ZNF462: variants seen among roughly 807,000 people sequenced by gnomAD.
The protein encoded by ZNF462 is zinc finger PBX1-interacting protein.
Under a neutral mutation model 201.9 loss-of-function variants are expected in ZNF462, and 10 were observed. The observed-to-expected ratio is 0.05, with a 90% confidence interval of 0.03 to 0.08. The LOEUF (loss-of-function observed/expected upper bound fraction) is 0.08. ZNF462 is among the 10% of genes least tolerant of loss of function. The probability of loss-of-function intolerance (pLI) is 1.00; values close to 1 mark genes in which losing one functional copy is unlikely to be tolerated. For missense variants in ZNF462, 2,523 were observed against 3,168.3 expected, an observed-to-expected ratio of 0.80 and a Z score of 4.89; for synonymous variants, 1,227 against 1,193.3, an observed-to-expected ratio of 1.03 and a Z score of -0.58.
intron 1 of ZNF462, among the ~76,000 whole-genome samples, chr9:106,901,136 A>G (rs1325979318): frequency 6.6e-6 from 1 of 152,176 alleles, no homozygotes; most frequent in Non-Finnish European, 1.5e-5. Flanking sequence ...GGCTAATTGG[A>G]TAATTTCAAC....
rs1827419352 is a variant in ZNF462 at position 106,981,376 on chromosome 9, G to A, written c.6833-2810G>A. Among the ~76,000 whole-genome samples, 1 of 152,172 alleles carries A rather than the reference G, an allele frequency of 6.6e-6. No individual in the cohort carries two copies. Among genetic ancestry groups the A allele is most frequent in the African/African-American group, 2.4e-5 (1 of 41,440 alleles). On this transcript the variant is annotated intron_variant, in intron 9 of 12. Coordinates refer to ENST00000277225, the MANE Select transcript of ZNF462 (RefSeq NM_021224.6). This position sits in a 1 kb window ranked among gnomAD's most constrained non-coding sequence, Gnocchi z 4.0. ...AGAGTTCTTATCAGGGGTCCAAGAGGAGGGCCCTGGCAGAGATCAGAAGAC... is the reference window on the plus strand; with the variant it reads ...AGAGTTCTTATCAGGGGTCCAAGAGAAGGGCCCTGGCAGAGATCAGAAGAC...
At chr9:106,982,775 G>C (rs181000372) in intron 9 of ZNF462, among the ~76,000 whole-genome samples, 1 of 152,280 alleles carries the variant, frequency 6.6e-6, no homozygotes, top group Non-Finnish European at 1.5e-5. Flanking sequence ...TCCCAAGGCA[G>C]TGACTGCCCT....
rs757700577 is a variant in ZNF462 at position 107,005,638 on chromosome 9, A to G, written c.7189+2212A>G. 2.0e-5 allele frequency among the ~76,000 whole-genome samples: 3 copies of G among 152,080 alleles called. No homozygotes were observed. Among genetic ancestry groups the G allele is most frequent in the Non-Finnish European group, 2.9e-5 (2 of 68,008 alleles). On this transcript the variant is annotated intron_variant, in intron 11 of 12. Transcript: ENST00000277225. This position sits in a 1 kb window ranked among gnomAD's most constrained non-coding sequence, Gnocchi z 4.4. Reference sequence around the variant, plus strand: ...TTTTCACTCATTCCATAGGTTGTCTATTACTGTGTTGATTGTTTCCTTGGC... The same window carrying G: ...TTTTCACTCATTCCATAGGTTGTCTGTTACTGTGTTGATTGTTTCCTTGGC...
intron 10 of ZNF462, among the ~76,000 whole-genome samples, chr9:106,998,367 T>G (rs1420243653): frequency 6.6e-6 from 1 of 152,174 alleles, no homozygotes; most frequent in Non-Finnish European, 1.5e-5. Context: ...CAGACTGGGT[T>G]TGCTATCCTA....
intron 11 of ZNF462, among the ~76,000 whole-genome samples, chr9:107,004,904 A>T (rs891991464): frequency 6.6e-6 from 1 of 151,906 alleles, no homozygotes; most frequent in South Asian, 2.1e-4. Context: ...CCATTCTACT[A>T]TCTGCTTGTA....
At chr9:106,900,389 G>T (rs879517598) in intron 1 of ZNF462, among the ~76,000 whole-genome samples, 4 of 152,078 alleles carry the variant, frequency 2.6e-5, no homozygotes, top group Admixed American at 2.6e-4. Flanking sequence ...TTTCCTCTGG[G>T]TAGATACCCA....
intron 10 of ZNF462, among the ~76,000 whole-genome samples, chr9:107,001,994 G>A (rs1829222669): frequency 2.0e-5 from 3 of 152,120 alleles, no homozygotes; most frequent in South Asian, 2.1e-4. Flanking sequence ...CAGTCTCAGT[G>A]TCTAAGGCCT....
chr9:106,890,946 G>C lies in ZNF462; in HGVS notation c.-31+27591G>C, dbSNP rs1229572902. 6.6e-6 allele frequency among the ~76,000 whole-genome samples: 1 copy of C among 152,140 alleles called. No individual in the cohort carries two copies. The highest frequency in any genetic ancestry group is 1.5e-5 in the Non-Finnish European group (1 of 68,026). ...TGATGGTTTTCTTTGTACCTTTCTG[G>C]TTGAGTAAAGAATAAGATAGTCTTT... On this transcript the variant is annotated intron_variant, in intron 1 of 12. Transcript: ENST00000277225. The surrounding 1 kb of genome is among the most constrained non-coding windows in gnomAD (Gnocchi z 4.2).
Position 106,895,375 on chromosome 9 carries a change from C to T in ZNF462, c.-30-27979C>T, listed in dbSNP as rs973309627. 7.9e-5 allele frequency among the ~76,000 whole-genome samples: 12 copies of T among 152,176 alleles called. No homozygotes were observed. Among genetic ancestry groups the T allele is most frequent in the Non-Finnish European group, 5.9e-5 (4 of 68,034 alleles). On this transcript the variant is annotated intron_variant, in intron 1 of 12. Transcript: ENST00000277225. This position sits in a 1 kb window ranked among gnomAD's most constrained non-coding sequence, Gnocchi z 4.4. Reference sequence around the variant, plus strand: ...ATATCATGTAGGCTTGACCCCTCCTCTTCATCCCCAGTGCGTCGTCTGGCC... The same window carrying T: ...ATATCATGTAGGCTTGACCCCTCCTTTTCATCCCCAGTGCGTCGTCTGGCC...
At chr9:106,976,687 G>A (rs1442339710) in intron 9 of ZNF462, 1 of 152,184 alleles carries the variant, frequency 6.6e-6, no homozygotes, top group East Asian at 1.9e-4. Context: ...AGGATTAATA[G>A]TAATAATAAC....
rs1826540483 is a variant in ZNF462, at chr9:106,970,490, G to C, written c.6428-1515G>C. On this transcript the variant is annotated intron_variant, in intron 7 of 12. Coordinates refer to ENST00000277225, the MANE Select transcript of ZNF462 (RefSeq NM_021224.6). This position sits in a 1 kb window ranked among gnomAD's most constrained non-coding sequence, Gnocchi z 4.2. Reference sequence around the variant, plus strand: ...GGTTTCATCAAATATGGGTTTTAGAGAATTCCTCCATGTCCTGCCTTAGGG... The same window carrying C: ...GGTTTCATCAAATATGGGTTTTAGACAATTCCTCCATGTCCTGCCTTAGGG... 1.3e-5 allele frequency among the ~76,000 whole-genome samples: 2 copies of C among 152,142 alleles called. No homozygotes were observed. The highest frequency in any genetic ancestry group is 4.8e-5 in the African/African-American group (2 of 41,430).
rs1827663452 is a variant in ZNF462, at chr9:106,872,981, CCAAAGTCATGAGGCTG to C, written c.-31+9633_-31+9648del. On this transcript the variant is annotated intron_variant, in intron 1 of 12. Coordinates refer to ENST00000277225, the MANE Select transcript of ZNF462 (RefSeq NM_021224.6). The surrounding 1 kb of genome is among the most constrained non-coding windows in gnomAD (Gnocchi z 4.5). ...GGTTTAGGGAGGTAAAGTAATTTAGCCAAAGTCATGAGGCTGCAAAGTGGGGGAGCCAGGATTCACA... is the reference window on the plus strand; with the variant it reads ...GGTTTAGGGAGGTAAAGTAATTTAGCCAAAGTGGGGGAGCCAGGATTCACA... Among the ~76,000 whole-genome samples, 1 of 152,000 alleles carries C rather than the reference CCAAAGTCATGAGGCTG, an allele frequency of 6.6e-6. No homozygotes were observed. Among genetic ancestry groups the C allele is most frequent in the Admixed American group, 6.6e-5 (1 of 15,248 alleles).
intron 1 of ZNF462, among the ~76,000 whole-genome samples, chr9:106,891,342 T>C (rs1404352122): frequency 6.6e-6 from 1 of 152,220 alleles, no homozygotes; most frequent in Non-Finnish European, 1.5e-5. Context: ...TTTCTTTGTT[T>C]TCCCCCTGAG....
At chr9:106,948,673 T>A (rs751346003) in intron 7 of ZNF462, among the ~76,000 whole-genome samples, 4 of 151,950 alleles carry the variant, frequency 2.6e-5, no homozygotes. Flanking sequence ...TTTTTTTTTT[T>A]CTTCAAAACT....
At chr9:106,999,371 C>T (rs1829001102) in intron 10 of ZNF462, among the ~76,000 whole-genome samples, 1 of 152,118 alleles carries the variant, frequency 6.6e-6, no homozygotes, top group Non-Finnish European at 1.5e-5. Flanking sequence ...TGTAATTTCA[C>T]ATCTGGAAAT....
chr9:106,928,551 G>T lies in ZNF462; in HGVS notation c.4639G>T (p.Asp1547Tyr), dbSNP rs1442521116. The T allele has an allele frequency of 1.9e-6, 3 of 1,613,856 alleles. No homozygotes were observed. Among genetic ancestry groups the T allele is most frequent in the Non-Finnish European group, 2.5e-6 (3 of 1,179,994 alleles). The change falls in exon 3 of 13, where the codon GAC (aspartate) becomes TAC (tyrosine). Residue 1547 changes from aspartate to tyrosine, a missense_variant. Transcript: ENST00000277225. The surrounding 1 kb of genome is among the most constrained non-coding windows in gnomAD (Gnocchi z 9.3). ...RHPSIKVTAE[D>Y]FVHDVEQSAD... ...CCCGTCCATCAAGGTGACCGCTGAG[G>T]ACTTTGTGCACGACGTAGAGCAGTC...
rs1827436789 is a variant in ZNF462 at position 106,981,593 on chromosome 9, A to G, written c.6833-2593A>G. ...GTGCTTGAACCGTAGCGAGCACTTA[A>G]TAGTCTGCAGTGGTGTTCACATGAA... On this transcript the variant is annotated intron_variant, in intron 9 of 12. Coordinates refer to ENST00000277225, the MANE Select transcript of ZNF462 (RefSeq NM_021224.6). The surrounding 1 kb of genome is among the most constrained non-coding windows in gnomAD (Gnocchi z 4.0). Among the ~76,000 whole-genome samples, 1 of 152,226 alleles carries G rather than the reference A, an allele frequency of 6.6e-6. No individual in the cohort carries two copies. The highest frequency in any genetic ancestry group is 2.4e-5 in the African/African-American group (1 of 41,464).
rs1230068305 is a variant in ZNF462 at position 107,010,662 on chromosome 9, T to G, written c.7314-161T>G. ...CAAAACATAGCAGGGATGCATCACT[T>G]GGTATTTTGTCATACACCCATGGCA... On this transcript the variant is annotated intron_variant, in intron 12 of 12. Transcript: ENST00000277225. This position sits in a 1 kb window ranked among gnomAD's most constrained non-coding sequence, Gnocchi z 4.6. Among the ~76,000 whole-genome samples, 1 of 152,190 alleles carries G rather than the reference T, an allele frequency of 6.6e-6. No individual in the cohort carries two copies. Among genetic ancestry groups the G allele is most frequent in the Non-Finnish European group, 1.5e-5 (1 of 68,030 alleles).
At chr9:106,945,040 A>G (rs1831044771) in intron 7 of ZNF462, among the ~76,000 whole-genome samples, 2 of 152,208 alleles carry the variant, frequency 1.3e-5, no homozygotes, top group African/African-American at 2.4e-5. Flanking sequence ...AACCCATGCC[A>G]TAGATGAGAT....
Sources: allele counts gnomAD v4.1 joint callset (sites outside exome capture counted in the v4.1 genomes callset), GRCh38; gene constraint gnomAD v4.1.1; non-coding constraint Gnocchi (gnomAD v3.1); transcripts MANE v1.5; gene names NCBI Gene and HGNC (gene_info 2026-07-23, HGNC 2026-07-21).